The following BRDT variants were observed in gnomAD, a reference collection of about 807,000 sequenced individuals.
The protein encoded by BRDT is bromodomain testis-specific protein.
In BRDT, 77 loss-of-function variants were observed where a neutral mutation model predicts 113.9. That is an observed-to-expected ratio of 0.68 (90% CI 0.56 to 0.82). The LOEUF (loss-of-function observed/expected upper bound fraction) is 0.82, where lower values mean the gene tolerates loss of function less well. Among genes scored for constraint, BRDT ranks in the 40% least tolerant of loss-of-function variants. BRDT has a pLI of 0.00. For synonymous variants in BRDT, 358 were observed against 366.5 expected, an observed-to-expected ratio of 0.98 and a Z score of 0.26; for missense variants, 1,027 against 1,105.4, an observed-to-expected ratio of 0.93 and a Z score of 1.01.
At chr1:91,961,310 C>CA (rs1682419178) in intron 1 of BRDT, among the ~76,000 whole-genome samples, 1 of 151,762 alleles carries the variant, frequency 6.6e-6, no homozygotes, top group Non-Finnish European at 1.5e-5. Flanking sequence ...GACTCCATCT[C>CA]AAAAAATAAA....
chr1:91,966,495 T>C lies in BRDT; in HGVS notation c.331-1651T>C, dbSNP rs928052527. On this transcript the variant is annotated intron_variant, in intron 3 of 18. Coordinates refer to ENST00000399546, the MANE Select transcript of BRDT (RefSeq NM_207189.4). ...GATACTCCCACCTCACCCTCCTAAG[T>C]AGCTGGGATTATAGGCACACACCAC... Among the ~76,000 whole-genome samples, 4 of 152,214 alleles carry C rather than the reference T, an allele frequency of 2.6e-5. No homozygotes were observed. In the South Asian group the frequency reaches 8.3e-4, roughly 31 times the overall value.
At position 91,994,063 on chromosome 1, in the gene BRDT, CTTTGAT is replaced by C. The variant is rs758646464; in HGVS notation, c.2116-15_2116-10del. On this transcript the variant is annotated splice_polypyrimidine_tract_variant and intron_variant, in intron 14 of 18. Transcript: ENST00000399546. The stretch of plus-strand genomic sequence containing the variant: ...TTGTATGGTTAAAACTAAGTGATAA[CTTTGAT>C]TTTGTTTTAACAGATAGGATATTGT... 6.3e-7 allele frequency: 1 copy of C among 1,575,178 alleles called. No individual in the cohort carries two copies. Among genetic ancestry groups the C allele is most frequent in the East Asian group, 2.3e-5 (1 of 43,592 alleles).
intron 1 of BRDT, among the ~76,000 whole-genome samples, chr1:91,953,532 T>C (rs952744798): frequency 2.6e-5 from 4 of 151,658 alleles, no homozygotes. Flanking sequence ...ATACAAAAAT[T>C]AGCCAGGTAT....
At chr1:91,954,740 G>A (rs1219540956) in intron 1 of BRDT, among the ~76,000 whole-genome samples, 1 of 152,126 alleles carries the variant, frequency 6.6e-6, no homozygotes, top group Non-Finnish European at 1.5e-5. Context: ...AGGATCACTT[G>A]AGAACCAAGA....
chr1:91,985,414 C>T (rs1160243646), intron 12 of BRDT, among the ~76,000 whole-genome samples: 1 of 151,418 alleles, frequency 6.6e-6, no homozygotes, highest in Admixed American at 6.6e-5. Flanking sequence ...AGGCTGGTCT[C>T]AAACTCCTGA....
At chr1:91,954,211 A>G (rs1332819337) in intron 1 of BRDT, among the ~76,000 whole-genome samples, 1 of 150,832 alleles carries the variant, frequency 6.6e-6, no homozygotes. Context: ...ACTTCAGGTA[A>G]TCCATTTGCC....
At chr1:91,998,678 G>C (rs6604072) in intron 15 of BRDT, among the ~76,000 whole-genome samples, 149,039 of 152,316 alleles carry the variant, frequency 0.98, 72,983 homozygotes, top group East Asian at 1. Context: ...CTAAAGTGAA[G>C]TTTAAGGAGG....
At chr1:91,972,531 C>G (rs573478008) in intron 4 of BRDT, among the ~76,000 whole-genome samples, 1 of 152,292 alleles carries the variant, frequency 6.6e-6, no homozygotes, top group South Asian at 2.1e-4. Flanking sequence ...TGCCCTAGCA[C>G]CTAAAATGGT....
At chr1:91,958,125 G>A (rs949541093) in intron 1 of BRDT, among the ~76,000 whole-genome samples, 4 of 151,900 alleles carry the variant, frequency 2.6e-5, no homozygotes, top group Non-Finnish European at 5.9e-5. Context: ...TTACAGGCGC[G>A]AGCCGCCATG....
chr1:91,982,538 A>T (rs1196306907), intron 12 of BRDT, among the ~76,000 whole-genome samples: 1 of 152,192 alleles, frequency 6.6e-6, no homozygotes, highest in Non-Finnish European at 1.5e-5. Flanking sequence ...ATTTTAAATG[A>T]GGTGTTTCTT....
At chr1:91,978,363 A>G (rs1240190653) in intron 7 of BRDT, 67 bp downstream of exon 7, 1 of 1,561,336 alleles carries the variant, frequency 6.4e-7, no homozygotes, top group Non-Finnish European at 8.7e-7. Context: ...TTTTAGAACC[A>G]TAATGTAAGA....
chr1:91,989,563 G>GTC (rs1442103337), intron 12 of BRDT, among the ~76,000 whole-genome samples: 1 of 151,922 alleles, frequency 6.6e-6, no homozygotes. Flanking sequence ...GTTTCAACTT[G>GTC]TTGGCCAGGC....
At chr1:92,001,959 T>C (rs1281425879) in intron 15 of BRDT, 90 bp from the exon 16 acceptor site, 3 of 874,168 alleles carry the variant, frequency 3.4e-6, no homozygotes, top group East Asian at 5.5e-5. Context: ...GTTTTCATAG[T>C]GTCTGACCTG....
At chr1:91,983,375 C>G (rs1198288784) in intron 12 of BRDT, among the ~76,000 whole-genome samples, 1 of 150,938 alleles carries the variant, frequency 6.6e-6, no homozygotes, top group African/African-American at 2.4e-5. Flanking sequence ...CGCCGTTCTC[C>G]TGCCTCAGCC....
chr1:91,996,414 A>G (rs1686344023), intron 15 of BRDT, among the ~76,000 whole-genome samples: 1 of 152,040 alleles, frequency 6.6e-6, no homozygotes, highest in Non-Finnish European at 1.5e-5. Flanking sequence ...ATATGCGGCT[A>G]ATTTTTGTAC....
At chr1:91,950,725 A>G (rs1268002663) in intron 1 of BRDT, 1 of 109,952 alleles carries the variant, frequency 9.1e-6, no homozygotes, top group Non-Finnish European at 1.7e-5. Flanking sequence ...GATAGCTGCT[A>G]TGGCTGGGCG....
chr1:91,969,971 G>A (rs1683466977), intron 4 of BRDT, among the ~76,000 whole-genome samples: 1 of 151,964 alleles, frequency 6.6e-6, no homozygotes, highest in Non-Finnish European at 1.5e-5. Context: ...TGGGATTACA[G>A]GCGCATGCCA....
chr1:92,012,782 C>A (rs1455505492), intron 18 of BRDT, among the ~76,000 whole-genome samples: 1 of 151,828 alleles, frequency 6.6e-6, no homozygotes, highest in African/African-American at 2.4e-5. Context: ...TGGTGGTACG[C>A]ACCTGTAGCC....
chr1:91,987,714 T>A (rs191304340), intron 12 of BRDT, among the ~76,000 whole-genome samples: 1 of 152,182 alleles, frequency 6.6e-6, no homozygotes, highest in Non-Finnish European at 1.5e-5. Context: ...TCAAGTTTTT[T>A]AGTTCAAATT....
Sources: gnomAD v4.1 joint callset for allele counts (sites outside exome capture counted in the v4.1 genomes callset) on GRCh38, gnomAD v4.1.1 for gene constraint, MANE v1.5 for transcripts, NCBI Gene and HGNC (gene_info 2026-07-23, HGNC 2026-07-21) for gene names.